Variants in CYB5A observed in about 807,000 individuals in gnomAD.
The protein encoded by CYB5A is cytochrome b5 type A, also known as cytochrome b5.
CYB5A carries 10 observed loss-of-function variants against 16.2 expected under a neutral mutation model. The observed-to-expected ratio is 0.62, with a 90% CI of 0.38 to 1.04. CYB5A has a LOEUF of 1.04. Ranked by LOEUF, CYB5A falls within the 50% of genes least tolerant of loss-of-function variation. The probability of loss-of-function intolerance (pLI) is 0.01; values close to 1 mark genes in which losing one functional copy is unlikely to be tolerated. For synonymous variants in CYB5A, 62 were observed against 57.0 expected (o/e 1.09, Z -0.40); for missense variants, 161 against 165.9 (o/e 0.97, Z 0.16).
intron 1 of CYB5A, among the ~76,000 whole-genome samples, chr18:74,271,300 C>T (rs967601566): frequency 2.0e-5 from 3 of 152,150 alleles, no homozygotes; most frequent in Non-Finnish European, 4.4e-5. Context: ...GAGACAGCCT[C>T]GTAGTTCTGA....
At chr18:74,275,971 C>T (rs563406172) in intron 1 of CYB5A, among the ~76,000 whole-genome samples, 33 of 152,226 alleles carry the variant, frequency 2.2e-4, no homozygotes, top group African/African-American at 7.7e-4. Context: ...GGGATCTGAC[C>T]CAGCCCAGAG....
At chr18:74,277,335 C>T (rs1182664132) in intron 1 of CYB5A, among the ~76,000 whole-genome samples, 1 of 152,128 alleles carries the variant, frequency 6.6e-6, no homozygotes, top group Non-Finnish European at 1.5e-5. Flanking sequence ...CATGGGGCAC[C>T]AACTCGGGGC....
At chr18:74,259,693 A>C (rs1421674046) in intron 3 of CYB5A, 2 of 149,124 alleles carry the variant, frequency 1.3e-5, no homozygotes, top group Non-Finnish European at 2.9e-5. Context: ...TAACATGCTG[A>C]ACACATGATA....
In CYB5A at chr18:74,252,354, T is replaced by G. The variant is rs2156327; in HGVS notation, c.*1230A>C. 0.11 allele frequency: 16,412 copies of G among 152,218 alleles called. 980 individuals are homozygous for G. The highest frequency in any genetic ancestry group is 0.21 in the South Asian group (1,031 of 4,824). The allele number at this position is 152,218 out of a possible 1,614,324, so 9.4% of individuals were successfully genotyped here. ...AGAGAATAATAAATGGGAAGTAAGA[T>G]GACTGAATCAGCCCCTTAGAGCCCC... is the stretch of plus-strand genomic sequence containing the variant. On this transcript the variant is annotated 3_prime_UTR_variant, in exon 5 of 5. Transcript: ENST00000340533.
At position 74,253,375 on chromosome 18, in the gene CYB5A, G is replaced by A. The variant is rs1014012516; in HGVS notation, c.*209C>T. 30 of 484,810 alleles carry A rather than the reference G, an allele frequency of 6.2e-5. No individual in the cohort carries two copies. The highest frequency in any genetic ancestry group is 3.1e-4 in the South Asian group (15 of 48,250). 30.0% of individuals were successfully genotyped at this position (484,810 alleles called of 1,614,324 possible). The stretch of plus-strand genomic sequence containing the variant: ...CACATTAAGGAAACATCAAAATAAA[G>A]TAGATGAATAAAAAGGCACACTCGA... On this transcript the variant is annotated 3_prime_UTR_variant, in exon 5 of 5. Coordinates refer to ENST00000340533, the MANE Select transcript of CYB5A (RefSeq NM_148923.4).
At chr18:74,266,095 T>A (rs1982422150) in intron 1 of CYB5A, among the ~76,000 whole-genome samples, 1 of 152,238 alleles carries the variant, frequency 6.6e-6, no homozygotes, top group Non-Finnish European at 1.5e-5. Context: ...AAGTCCACCT[T>A]AAACAGGCAT....
Position 74,276,615 on chromosome 18 carries a change from A to G in CYB5A, c.130-13138T>C, listed in dbSNP as rs17230994. Among the ~76,000 whole-genome samples the G allele has an allele frequency of 2.2e-3, 335 of 152,002 alleles. 2 individuals carry two copies. The highest frequency in any genetic ancestry group is 3.5e-3 in the Non-Finnish European group (240 of 67,990). ...CAAGGTTGTCACTATTAAACAGTCA[A>G]AAGCGTATGCAAAACGACACTACAA... is the stretch of plus-strand genomic sequence containing the variant. On this transcript the variant is annotated intron_variant, in intron 1 of 4. Coordinates refer to ENST00000340533, the MANE Select transcript of CYB5A (RefSeq NM_148923.4).
At chr18:74,279,213 A>G (rs1002792890) in intron 1 of CYB5A, among the ~76,000 whole-genome samples, 2 of 152,252 alleles carry the variant, frequency 1.3e-5, no homozygotes, top group Admixed American at 6.5e-5. Flanking sequence ...ACTACGATCT[A>G]TCTTAAGCTG....
At chr18:74,258,754 G>A (rs543684028) in intron 3 of CYB5A, 1 of 152,334 alleles carries the variant, frequency 6.6e-6, no homozygotes, top group African/African-American at 2.4e-5. Flanking sequence ...CATTCTTCCG[G>A]TTCTGCTCTC....
At chr18:74,259,359 G>T (rs1982109644) in intron 3 of CYB5A, 1 of 152,302 alleles carries the variant, frequency 6.6e-6, no homozygotes, top group African/African-American at 2.4e-5. Flanking sequence ...ACATAAACTT[G>T]CTCTGTTCCC....
At chr18:74,256,549 T>C (rs796192058) in intron 3 of CYB5A, 47 of 493,348 alleles carry the variant, frequency 9.5e-5, no homozygotes, top group African/African-American at 8.9e-4. Flanking sequence ...AAAGCTAAGG[T>C]CTAGTGAAAT....
intron 1 of CYB5A, among the ~76,000 whole-genome samples, chr18:74,285,082 A>G (rs1367287201): frequency 6.6e-6 from 1 of 152,234 alleles, no homozygotes; most frequent in Non-Finnish European, 1.5e-5. Flanking sequence ...AGCACACTTG[A>G]TTAAAATGTT....
intron 1 of CYB5A, among the ~76,000 whole-genome samples, chr18:74,289,347 TC>T (rs1983440032): frequency 1.3e-5 from 2 of 152,306 alleles, no homozygotes; most frequent in South Asian, 4.1e-4. Flanking sequence ...ACAATAATCT[TC>T]ACTTCCCTAT....
In CYB5A at chr18:74,284,274, G is replaced by A. The variant is rs551233399; in HGVS notation, c.129+7473C>T. 2.7e-5 allele frequency among the ~76,000 whole-genome samples: 4 copies of A among 146,460 alleles called. No individual in the cohort carries two copies. The South Asian group carries it at 8.8e-4, about 32-fold the overall frequency. ...AAAAAGAGAGATTAAAAGCACAAAC[G>A]CAAAGAAGGTTTTATGTGCAAAAAG... On this transcript the variant is annotated intron_variant, in intron 1 of 4. Transcript: ENST00000340533.
chr18:74,267,989 G>A (rs1371846544), intron 1 of CYB5A, among the ~76,000 whole-genome samples: 1 of 152,228 alleles, frequency 6.6e-6, no homozygotes, highest in Non-Finnish European at 1.5e-5. Flanking sequence ...GTTTCCACGT[G>A]AGCTGACCCT....
At chr18:74,288,942 T>G (rs1286966850) in intron 1 of CYB5A, among the ~76,000 whole-genome samples, 1 of 152,194 alleles carries the variant, frequency 6.6e-6, no homozygotes, top group African/African-American at 2.4e-5. Context: ...AAAGGCTAAG[T>G]GGCCTTGCTT....
At chr18:74,284,145 C>T (rs1179292742) in intron 1 of CYB5A, among the ~76,000 whole-genome samples, 1 of 149,180 alleles carries the variant, frequency 6.7e-6, no homozygotes, top group African/African-American at 2.5e-5. Flanking sequence ...GCAAGAGAAT[C>T]GCTTGAACTT....
chr18:74,250,869 A>G lies in CYB5A; in HGVS notation c.*2715T>C, dbSNP rs1394153810. On this transcript the variant is annotated 3_prime_UTR_variant, in exon 5 of 5. Transcript: ENST00000340533. ...AGTGCAAAGTGAAAACAACTTTATTAAGAAAGTCAAGGAATAGGCCCGGCA... is the reference window on the plus strand; with the variant it reads ...AGTGCAAAGTGAAAACAACTTTATTGAGAAAGTCAAGGAATAGGCCCGGCA... The G allele has an allele frequency of 6.6e-6, 1 of 152,190 alleles. No individual in the cohort carries two copies. The highest frequency in any genetic ancestry group is 1.5e-5 in the Non-Finnish European group (1 of 68,048). 9.4% of individuals were successfully genotyped at this position (152,190 alleles called of 1,614,324 possible). A position where few individuals can be genotyped will look rare whatever the true frequency, so the allele number is the denominator to read the frequency against.
intron 1 of CYB5A, among the ~76,000 whole-genome samples, chr18:74,285,195 T>C (rs1239700527): frequency 6.6e-6 from 1 of 152,178 alleles, no homozygotes; most frequent in South Asian, 2.1e-4. Flanking sequence ...GCAGCCATGT[T>C]CAAAGGAAAA....
Sources: allele counts gnomAD v4.1 joint callset (sites outside exome capture counted in the v4.1 genomes callset), GRCh38; gene constraint gnomAD v4.1.1; transcripts MANE v1.5; gene names NCBI Gene and HGNC (gene_info 2026-07-23, HGNC 2026-07-21).